The following EPS15L1 variants were observed in gnomAD, a reference collection of about 807,000 sequenced individuals.
The protein encoded by EPS15L1 is epidermal growth factor receptor substrate 15-like 1.
Under a neutral mutation model 117.1 loss-of-function variants are expected in EPS15L1, and 43 were observed. That is an observed-to-expected ratio of 0.37 (90% CI 0.29 to 0.47). The LOEUF is 0.47. Among genes scored for constraint, EPS15L1 ranks in the 20% least tolerant of loss-of-function variants. The pLI, the probability that EPS15L1 is intolerant of heterozygous loss-of-function variation, is 0.99. For synonymous variants in EPS15L1, 459 were observed against 470.5 expected, an observed-to-expected ratio of 0.98 and a Z score of 0.32; for missense variants, 981 against 1,164.0, an observed-to-expected ratio of 0.84 and a Z score of 2.29.
At chr19:16,361,518 A>G (rs1281551714) in intron 23 of EPS15L1, 9 of 1,098,568 alleles carry the variant, frequency 8.2e-6, no homozygotes, top group Non-Finnish European at 1.0e-5. Context: ...ACCGTGAAGG[A>G]CAGATAGGTC....
chr19:16,464,122 C>T (rs2093278449), intron 1 of EPS15L1, among the ~76,000 whole-genome samples: 1 of 152,230 alleles, frequency 6.6e-6, no homozygotes, highest in South Asian at 2.1e-4. Context: ...GCCTGACCTG[C>T]AGGCAGTCAG....
At chr19:16,437,210 C>T in intron 5 of EPS15L1, 1 of 580,258 alleles carries the variant, frequency 1.7e-6, no homozygotes, top group East Asian at 2.8e-5. Context: ...AATCCTTGTA[C>T]ATGAATGCTG....
At chr19:16,436,860 A>AGAACAATTCTAGAACAACTGCTG in intron 6 of EPS15L1, 77 bp downstream of exon 6, 1 of 1,212,078 alleles carries the variant, frequency 8.3e-7, no homozygotes. Context: ...GAACAATTCC[A>AGAACAATTCTAGAACAACTGCTG]GAACAATTCT....
At chr19:16,457,262 G>A (rs928135582) in intron 1 of EPS15L1, among the ~76,000 whole-genome samples, 1 of 152,216 alleles carries the variant, frequency 6.6e-6, no homozygotes, top group Admixed American at 6.5e-5. Flanking sequence ...GTGAACAACG[G>A]GACATTCCCC....
intron 22 of EPS15L1, among the ~76,000 whole-genome samples, chr19:16,375,284 G>A (rs1359623646): frequency 1.3e-5 from 2 of 152,248 alleles, no homozygotes; most frequent in Non-Finnish European, 2.9e-5. Flanking sequence ...GTGTTCATGT[G>A]CAAACAGGTG....
In EPS15L1 at chr19:16,355,363, CTA is replaced by C; in HGVS notation, c.*340_*341del. The C allele has an allele frequency of 3.5e-6, 1 of 289,102 alleles. No individual in the cohort carries two copies. The highest frequency in any genetic ancestry group is 6.5e-6 in the Non-Finnish European group (1 of 153,486). The allele number at this position is 289,102 out of a possible 1,614,324, so 17.9% of individuals were successfully genotyped here. On this transcript the variant is annotated 3_prime_UTR_variant, in exon 24 of 24. Transcript: ENST00000455140. ...GGAGGGCGGGTGGGGATGTCTGCAG[CTA>C]TGAGTAGGGAGGAGGCGGGGAAGCC... is the stretch of plus-strand genomic sequence containing the variant.
chr19:16,459,939 T>C (rs2093232879), intron 1 of EPS15L1, among the ~76,000 whole-genome samples: 1 of 152,126 alleles, frequency 6.6e-6, no homozygotes, highest in Non-Finnish European at 1.5e-5. Flanking sequence ...AGCCATTTGC[T>C]CTCTCAACTC....
chr19:16,388,893 G>C (rs185833330), intron 19 of EPS15L1, among the ~76,000 whole-genome samples: 1 of 152,086 alleles, frequency 6.6e-6, no homozygotes, highest in African/African-American at 2.4e-5. Flanking sequence ...GAAGGCAGTG[G>C]AAAAACACAC....
chr19:16,415,294 G>A (rs1010862269), intron 12 of EPS15L1, among the ~76,000 whole-genome samples: 20 of 152,176 alleles, frequency 1.3e-4, no homozygotes, highest in African/African-American at 3.4e-4. Context: ...AGAACTGTGC[G>A]AAATGTCTGA....
intron 1 of EPS15L1, among the ~76,000 whole-genome samples, chr19:16,464,321 G>A (rs528723842): frequency 6.6e-6 from 1 of 152,288 alleles, no homozygotes; most frequent in Admixed American, 6.5e-5. Flanking sequence ...CTCCATGCAG[G>A]AGCAAACTTC....
intron 23 of EPS15L1, among the ~76,000 whole-genome samples, chr19:16,360,792 G>A (rs963267170): frequency 2.0e-5 from 3 of 152,092 alleles, no homozygotes; most frequent in Non-Finnish European, 4.4e-5. Context: ...AGCTGTGCAC[G>A]GTAGAGATTA....
chr19:16,424,691 G>A lies in EPS15L1; in HGVS notation c.792+392C>T, dbSNP rs1400716038. Among the ~76,000 whole-genome samples the A allele has an allele frequency of 7.2e-5, 11 of 151,738 alleles. No individual in the cohort carries two copies. The South Asian group carries it at 2.1e-3, about 29-fold the overall frequency. The stretch of plus-strand genomic sequence containing the variant: ...CTTTTTTTTTTTGAGATAGAGTTTC[G>A]CTCTTGTTGCCCAGGCTGGAGTGCA... On this transcript the variant is annotated intron_variant, in intron 9 of 23. Coordinates refer to ENST00000455140, the MANE Select transcript of EPS15L1 (RefSeq NM_001258374.3).
chr19:16,392,272 A>T (rs761635857), intron 19 of EPS15L1, 32 bp downstream of exon 19: 1 of 1,612,770 alleles, frequency 6.2e-7, no homozygotes, highest in Non-Finnish European at 8.5e-7. Flanking sequence ...GCAGGCACGC[A>T]GCTCTCCCGG....
intron 13 of EPS15L1, among the ~76,000 whole-genome samples, chr19:16,407,569 G>C (rs896598290): frequency 6.6e-5 from 10 of 152,168 alleles, no homozygotes; most frequent in African/African-American, 2.4e-4. Flanking sequence ...CAAGTGATCC[G>C]CCAGACTCAG....
chr19:16,355,653 C>A lies in EPS15L1; in HGVS notation c.*52G>T. Reference sequence around the variant, plus strand: ...TGTGTATATATAGACATCTGCACTGCCCCCTCTCTGGAACCCGCCCGTGCC... The same window carrying A: ...TGTGTATATATAGACATCTGCACTGACCCCTCTCTGGAACCCGCCCGTGCC... On this transcript the variant is annotated 3_prime_UTR_variant, in exon 24 of 24. Transcript: ENST00000455140. 3.3e-6 allele frequency: 5 copies of A among 1,519,156 alleles called. No individual in the cohort carries two copies. The highest frequency in any genetic ancestry group is 3.5e-6 in the Non-Finnish European group (4 of 1,135,342). The allele number at this position is 1,519,156 out of a possible 1,614,324, so 94.1% of individuals were successfully genotyped here. A position where few individuals can be genotyped will look rare whatever the true frequency, so the allele number is the denominator to read the frequency against.
At chr19:16,412,287 G>C (rs2092713625) in intron 13 of EPS15L1, among the ~76,000 whole-genome samples, 1 of 151,892 alleles carries the variant, frequency 6.6e-6, no homozygotes. Context: ...AGATCACGAG[G>C]TCAGGAGATT....
chr19:16,442,753 C>A (rs1041098200), intron 1 of EPS15L1, among the ~76,000 whole-genome samples: 1 of 152,232 alleles, frequency 6.6e-6, no homozygotes, highest in Admixed American at 6.5e-5. Context: ...GCCCGGAGAG[C>A]GCTGGCCAGT....
intron 1 of EPS15L1, among the ~76,000 whole-genome samples, chr19:16,469,352 G>A (rs1231068120): frequency 1.3e-5 from 2 of 152,152 alleles, no homozygotes; most frequent in African/African-American, 4.8e-5. Flanking sequence ...AGTTCGAGGA[G>A]GATCGGCTGC....
chr19:16,434,550 C>A, intron 6 of EPS15L1, 60 bp from the exon 7 acceptor site: 1 of 1,559,796 alleles, frequency 6.4e-7, no homozygotes, highest in Non-Finnish European at 8.7e-7. Context: ...ATGTCCAGAC[C>A]GAGCTCTGAC....
Sources: gnomAD v4.1 joint callset for allele counts (sites outside exome capture counted in the v4.1 genomes callset) on GRCh38, gnomAD v4.1.1 for gene constraint, MANE v1.5 for transcripts, NCBI Gene and HGNC (gene_info 2026-07-23, HGNC 2026-07-21) for gene names.